Variants in PARD3 observed in about 807,000 individuals in gnomAD.
PARD3 encodes the protein par-3 family cell polarity regulator, also known as partitioning defective 3 homolog.
PARD3 carries 75 observed loss-of-function variants against 155.4 expected under a neutral mutation model. That is an observed-to-expected ratio of 0.48 (90% CI 0.40 to 0.58). PARD3 has a LOEUF of 0.58. Ranked by LOEUF, PARD3 falls within the 20% of genes least tolerant of loss-of-function variation. PARD3 has a pLI of 0.00. For missense variants in PARD3, 1,642 were observed against 1,721.7 expected, an observed-to-expected ratio of 0.95 and a Z score of 0.82; for synonymous variants, 576 against 610.5, an observed-to-expected ratio of 0.94 and a Z score of 0.83.
intron 1 of PARD3, among the ~76,000 whole-genome samples, chr10:34,774,809 CT>C (rs1316086639): frequency 1.3e-5 from 2 of 152,184 alleles, no homozygotes; most frequent in Non-Finnish European, 2.9e-5. Flanking sequence ...GACATCCAGA[CT>C]TTAGAATACT....
At chr10:34,311,275 T>C (rs1467114827) in intron 20 of PARD3, among the ~76,000 whole-genome samples, 3 of 152,110 alleles carry the variant, frequency 2.0e-5, no homozygotes. Context: ...TTTTATTTAT[T>C]TTTTTTAATA....
At chr10:34,515,504 G>A (rs955016322) in intron 3 of PARD3, among the ~76,000 whole-genome samples, 5 of 152,158 alleles carry the variant, frequency 3.3e-5, no homozygotes, top group Admixed American at 2.0e-4. Context: ...GTAGCTGCAC[G>A]CAATCCTCTA....
intron 1 of PARD3, among the ~76,000 whole-genome samples, chr10:34,723,432 C>T (rs779272283): frequency 6.6e-6 from 1 of 152,286 alleles, no homozygotes; most frequent in Non-Finnish European, 1.5e-5. Context: ...AGCAAAGTCA[C>T]TATGTTTATT....
intron 17 of PARD3, among the ~76,000 whole-genome samples, chr10:34,336,990 T>TGAA (rs1836261526): frequency 6.6e-6 from 1 of 152,166 alleles, no homozygotes; most frequent in Non-Finnish European, 1.5e-5. Context: ...ACATTTCATT[T>TGAA]TGTAAAATAA....
intron 18 of PARD3, among the ~76,000 whole-genome samples, chr10:34,335,530 G>T (rs563930966): frequency 6.6e-6 from 1 of 151,848 alleles, no homozygotes; most frequent in Admixed American, 6.6e-5. Context: ...AAGCAAAATC[G>T]ATGACTATAA....
chr10:34,792,884 C>A (rs1424613056), intron 1 of PARD3, among the ~76,000 whole-genome samples: 1 of 152,258 alleles, frequency 6.6e-6, no homozygotes, highest in Non-Finnish European at 1.5e-5. Context: ...TGTAATAACA[C>A]GGTCAAAATT....
chr10:34,607,570 C>T (rs1190670085), intron 2 of PARD3, among the ~76,000 whole-genome samples: 1 of 152,156 alleles, frequency 6.6e-6, no homozygotes, highest in Non-Finnish European at 1.5e-5. Flanking sequence ...TGACAGCTAC[C>T]CTAGGTGATA....
intron 1 of PARD3, among the ~76,000 whole-genome samples, chr10:34,805,941 C>A (rs1207601592): frequency 6.6e-6 from 1 of 151,840 alleles, no homozygotes; most frequent in Non-Finnish European, 1.5e-5. Context: ...CACGTCACTG[C>A]ACTCCAGCCT....
chr10:34,666,796 A>AAAAAAAAT lies in PARD3; in HGVS notation c.222+29521_222+29522insATTTTTTT, dbSNP rs1358640964. Among the ~76,000 whole-genome samples, 657 of 66,596 alleles carry AAAAAAAAT rather than the reference A, an allele frequency of 9.9e-3. 41 individuals are homozygous for AAAAAAAAT. The highest frequency in any genetic ancestry group is 0.021 in the Middle Eastern group (2 of 96). The allele number at this position is 66,596 out of a possible 152,430, so 43.7% of individuals were successfully genotyped here. ...TCCCCCTAAAAAAAAAAAAAAAAAA[A>AAAAAAAAT]ATATATATATATATATATATACACA... On this transcript the variant is annotated intron_variant, in intron 2 of 24. Transcript: ENST00000374788.
intron 2 of PARD3, among the ~76,000 whole-genome samples, chr10:34,532,005 TATG>T (rs140765859): frequency 0.054 from 8,204 of 152,184 alleles, 656 homozygotes; most frequent in African/African-American, 0.18. Context: ...AGGAGGGGGC[TATG>T]ATATTACTAT....
At chr10:34,246,654 A>G (rs1179691049) in intron 22 of PARD3, among the ~76,000 whole-genome samples, 1 of 149,422 alleles carries the variant, frequency 6.7e-6, no homozygotes, top group African/African-American at 2.6e-5. Context: ...CTATAAGCCC[A>G]GACAAGAACA....
At chr10:34,297,000 C>A (rs1377190567) in intron 20 of PARD3, among the ~76,000 whole-genome samples, 1 of 152,136 alleles carries the variant, frequency 6.6e-6, no homozygotes, top group Non-Finnish European at 1.5e-5. Flanking sequence ...TAGGTCACTA[C>A]AACCAACATT....
intron 2 of PARD3, among the ~76,000 whole-genome samples, chr10:34,519,703 A>T (rs1292456168): frequency 6.6e-6 from 1 of 151,942 alleles, no homozygotes; most frequent in East Asian, 1.9e-4. Flanking sequence ...AATCCCAGCT[A>T]CTCGGGAGAC....
At chr10:34,425,086 C>CT (rs1344647708) in intron 5 of PARD3, among the ~76,000 whole-genome samples, 21 of 149,228 alleles carry the variant, frequency 1.4e-4, no homozygotes, top group South Asian at 1.3e-3. Flanking sequence ...ACCAAGACCA[C>CT]TTTTTTTTTT....
intron 1 of PARD3, among the ~76,000 whole-genome samples, chr10:34,814,448 C>G (rs565521342): frequency 6.6e-6 from 1 of 152,304 alleles, no homozygotes; most frequent in South Asian, 2.1e-4. Flanking sequence ...ACCAAAAGTT[C>G]CCAGTCCCCG....
intron 22 of PARD3, among the ~76,000 whole-genome samples, chr10:34,198,680 T>C (rs886653840): frequency 1.3e-5 from 2 of 152,182 alleles, no homozygotes; most frequent in African/African-American, 4.8e-5. Flanking sequence ...GTCATTTTGT[T>C]TTACAACAGT....
intron 1 of PARD3, among the ~76,000 whole-genome samples, chr10:34,743,233 T>C (rs935539191): frequency 2.0e-5 from 3 of 152,182 alleles, no homozygotes; most frequent in African/African-American, 7.2e-5. Flanking sequence ...ACGGTACTCC[T>C]CTGCTGCTGT....
At chr10:34,372,005 T>G (rs903674445) in intron 12 of PARD3, among the ~76,000 whole-genome samples, 1 of 152,190 alleles carries the variant, frequency 6.6e-6, no homozygotes, top group African/African-American at 2.4e-5. Flanking sequence ...AGTCCTTAAC[T>G]TTTGTTAAAT....
intron 19 of PARD3, among the ~76,000 whole-genome samples, chr10:34,325,937 A>C (rs182190579): frequency 1.9e-4 from 29 of 152,230 alleles, no homozygotes; most frequent in Admixed American, 9.2e-4. Flanking sequence ...CCTGGCCAAC[A>C]TGGTGAAACC....
Sources: gnomAD v4.1 joint callset for allele counts (sites outside exome capture counted in the v4.1 genomes callset) on GRCh38, gnomAD v4.1.1 for gene constraint, MANE v1.5 for transcripts, NCBI Gene and HGNC (gene_info 2026-07-23, HGNC 2026-07-21) for gene names.